The following WWOX variants were observed in gnomAD, a reference collection of about 807,000 sequenced individuals.
WWOX encodes WW domain containing oxidoreductase.
Under a neutral mutation model 46.2 loss-of-function variants are expected in WWOX, and 69 were observed. That is an observed-to-expected ratio of 1.49 (90% CI 1.23 to 1.82). WWOX has a LOEUF of 1.82. Among genes scored for constraint, WWOX ranks in the 40% most tolerant of loss-of-function variants. The pLI is 0.00. For synonymous variants in WWOX, 359 were observed against 202.6 expected, an observed-to-expected ratio of 1.77 and a Z score of -6.56; for missense variants, 919 against 542.6, an observed-to-expected ratio of 1.69 and a Z score of -6.89.
chr16:78,702,100 TTATA>T lies in WWOX; in HGVS notation c.1056+269368_1056+269371del, dbSNP rs72067397. Among the ~76,000 whole-genome samples, 213 of 81,218 alleles carry T rather than the reference TTATA, an allele frequency of 2.6e-3. 1 individual carries two copies. The highest frequency in any genetic ancestry group is 9.2e-3 in the African/African-American group (134 of 14,614). 53.3% of individuals were successfully genotyped at this position (81,218 alleles called of 152,430 possible). A position where few individuals can be genotyped will look rare whatever the true frequency, so the allele number is the denominator to read the frequency against. On this transcript the variant is annotated intron_variant, in intron 8 of 8. Coordinates refer to ENST00000566780, the MANE Select transcript of WWOX (RefSeq NM_016373.4). The stretch of plus-strand genomic sequence containing the variant: ...AAGTTTTATATTTATATCTATAAAG[TTATA>T]TATATATATATATATATATTTATTT...
At chr16:78,291,177 A>G (rs890414255) in intron 5 of WWOX, among the ~76,000 whole-genome samples, 2 of 152,216 alleles carry the variant, frequency 1.3e-5, no homozygotes, top group African/African-American at 4.8e-5. Context: ...TTGAGATGAC[A>G]TATTTTTATC....
At chr16:79,149,822 C>G (rs2150730197) in intron 8 of WWOX, among the ~76,000 whole-genome samples, 1 of 152,254 alleles carries the variant, frequency 6.6e-6, no homozygotes. Flanking sequence ...ATGGATGCTC[C>G]TCCTATACCC....
intron 5 of WWOX, among the ~76,000 whole-genome samples, chr16:78,357,510 G>T (rs1199899546): frequency 1.3e-5 from 2 of 152,078 alleles, no homozygotes; most frequent in African/African-American, 4.8e-5. Context: ...CTGTCTTTGT[G>T]ATGTTATCAT....
chr16:78,676,009 C>G (rs544839957), intron 8 of WWOX, among the ~76,000 whole-genome samples: 37 of 152,042 alleles, frequency 2.4e-4, no homozygotes, highest in Admixed American at 1.6e-3. Flanking sequence ...AGCATATGAT[C>G]TAGTACAAAG....
chr16:78,968,730 A>T (rs886625196), intron 8 of WWOX, among the ~76,000 whole-genome samples: 1 of 152,142 alleles, frequency 6.6e-6, no homozygotes, highest in Non-Finnish European at 1.5e-5. Context: ...TTTTGAAACC[A>T]TGCTCATTGG....
chr16:78,776,360 G>C lies in WWOX; in HGVS notation c.1056+343608G>C, dbSNP rs537107769. Among the ~76,000 whole-genome samples, 18 of 152,236 alleles carry C rather than the reference G, an allele frequency of 1.2e-4. No individual in the cohort carries two copies. In the South Asian group the frequency reaches 3.7e-3, roughly 32 times the overall value. On this transcript the variant is annotated intron_variant, in intron 8 of 8. Coordinates refer to ENST00000566780, the MANE Select transcript of WWOX (RefSeq NM_016373.4). ...CTCGTGCGAAGCCCCTCTGCCTGGAGTCCTGCCTCTGTGACACTTGCTTAC... is the reference window on the plus strand; with the variant it reads ...CTCGTGCGAAGCCCCTCTGCCTGGACTCCTGCCTCTGTGACACTTGCTTAC...
At chr16:78,734,378 C>A (rs987953575) in intron 8 of WWOX, among the ~76,000 whole-genome samples, 48 of 152,124 alleles carry the variant, frequency 3.2e-4, no homozygotes, top group Admixed American at 1.7e-3. Flanking sequence ...TGTTTGGCCC[C>A]TAACACCTTC....
At chr16:78,530,230 T>C (rs28523447) in intron 8 of WWOX, among the ~76,000 whole-genome samples, 6,717 of 152,152 alleles carry the variant, frequency 0.044, 321 homozygotes, top group African/African-American at 0.12. Flanking sequence ...GCTCTTTTAG[T>C]TTTGCCATCC....
At chr16:78,963,787 T>C (rs1004100528) in intron 8 of WWOX, among the ~76,000 whole-genome samples, 3 of 152,218 alleles carry the variant, frequency 2.0e-5, no homozygotes, top group South Asian at 2.1e-4. Flanking sequence ...CTTGCTGATA[T>C]GCTTTGGCTG....
chr16:78,866,558 G>A (rs984724212), intron 8 of WWOX, among the ~76,000 whole-genome samples: 7 of 152,076 alleles, frequency 4.6e-5, no homozygotes, highest in Non-Finnish European at 1.0e-4. Context: ...TGTACCACAC[G>A]AAATTGGAAG....
chr16:79,032,784 A>C (rs955393502), intron 8 of WWOX, among the ~76,000 whole-genome samples: 1 of 151,430 alleles, frequency 6.6e-6, no homozygotes, highest in African/African-American at 2.4e-5. Flanking sequence ...ATTTTATTTT[A>C]AGTTCAGGGG....
intron 4 of WWOX, among the ~76,000 whole-genome samples, chr16:78,140,207 TG>T (rs1352640303): frequency 6.6e-6 from 1 of 152,126 alleles, no homozygotes. Context: ...AAGGGGTGCA[TG>T]AGAGGTGCCC....
chr16:79,129,614 C>T (rs578150073), intron 8 of WWOX, among the ~76,000 whole-genome samples: 1 of 151,958 alleles, frequency 6.6e-6, no homozygotes, highest in African/African-American at 2.4e-5. Context: ...AAAGCATACA[C>T]TGAAAATAAA....
Position 78,911,745 on chromosome 16 carries a change from A to T in WWOX, c.1057-299863A>T, listed in dbSNP as rs2045117088. On this transcript the variant is annotated intron_variant, in intron 8 of 8. Coordinates refer to ENST00000566780, the MANE Select transcript of WWOX (RefSeq NM_016373.4). ...GCCAGACGTGATGGTGCGTACCTGT[A>T]ATCTCAGCTACTCAGGAGGCTGAGG... 1.3e-5 allele frequency among the ~76,000 whole-genome samples: 2 copies of T among 152,034 alleles called. 1 individual carries two copies. Among genetic ancestry groups the T allele is most frequent in the South Asian group, 4.1e-4 (2 of 4,828 alleles).
chr16:78,757,039 G>A (rs2049668357), intron 8 of WWOX: 1 of 702,816 alleles, frequency 1.4e-6, no homozygotes, highest in East Asian at 2.7e-5. Context: ...GTTCGAAGTT[G>A]ATTCTGCAGC....
chr16:78,620,275 G>A (rs1439341749), intron 8 of WWOX, among the ~76,000 whole-genome samples: 1 of 152,222 alleles, frequency 6.6e-6, no homozygotes, highest in Non-Finnish European at 1.5e-5. Flanking sequence ...AGGTACAGAA[G>A]AGGATTGGCC....
At position 78,996,372 on chromosome 16, in the gene WWOX, A is replaced by ACC. The variant is rs1193777245; in HGVS notation, c.1057-215234_1057-215233dup. 286 of 459,672 alleles carry ACC rather than the reference A, an allele frequency of 6.2e-4. 2 individuals are homozygous for ACC. In the African/African-American group the frequency reaches 8.9e-3, roughly 14 times the overall value. The allele number at this position is 459,672 out of a possible 1,614,324, so 28.5% of individuals were successfully genotyped here. On this transcript the variant is annotated intron_variant, in intron 8 of 8. Coordinates refer to ENST00000566780, the MANE Select transcript of WWOX (RefSeq NM_016373.4). ...TAGAAAGAGTGTGAGTGAATTCTGC[A>ACC]CCCACCCCCGCCCCCCAGCTTCCCC...
intron 5 of WWOX, among the ~76,000 whole-genome samples, chr16:78,278,026 T>A (rs142093255): frequency 6.6e-6 from 1 of 152,236 alleles, no homozygotes; most frequent in African/African-American, 2.4e-5. Context: ...GTGTGAACGG[T>A]GTGAGTGGGG....
intron 8 of WWOX, among the ~76,000 whole-genome samples, chr16:79,036,515 A>G (rs1247918654): frequency 1.3e-5 from 2 of 152,162 alleles, no homozygotes; most frequent in Non-Finnish European, 1.5e-5. Context: ...AGCAGCTCCT[A>G]AGGAAGTGCC....
Sources: gnomAD v4.1 joint callset for allele counts (sites outside exome capture counted in the v4.1 genomes callset) on GRCh38, gnomAD v4.1.1 for gene constraint, MANE v1.5 for transcripts, NCBI Gene and HGNC (gene_info 2026-07-23, HGNC 2026-07-21) for gene names.